Variants in GGTA1 observed in about 807,000 individuals in gnomAD.
GGTA1 encodes the protein glycoprotein alpha-galactosyltransferase 1 (inactive), also known as inactive N-acetyllactosaminide alpha-1,3-galactosyltransferase.
In GGTA1, 5 loss-of-function variants were observed where a neutral mutation model predicts 2.6. That is an observed-to-expected ratio of 1.92 (90% confidence interval 1.00 to 4.04). The LOEUF is 4.04. Among genes scored for constraint, GGTA1 ranks in the 30% most tolerant of loss-of-function variants. GGTA1 has a pLI of 0.00. For missense variants in GGTA1, 50 were observed against 16.7 expected (o/e 2.99, Z -3.47); for synonymous variants, 17 against 5.0 (o/e 3.38, Z -3.19).
At chr9:121,445,698 C>T (rs1231925328) in exon 8 of GGTA1, 1 of 152,130 alleles carries the variant, frequency 6.6e-6, no homozygotes, top group Admixed American at 6.5e-5. Flanking sequence ...GCTTCTGTTA[C>T]CAAATCAATT....
intron 1 of GGTA1, among the ~76,000 whole-genome samples, chr9:121,473,245 G>A (rs770620050): frequency 2.0e-5 from 3 of 150,498 alleles, no homozygotes; most frequent in East Asian, 1.9e-4. Flanking sequence ...ACTTGAACCC[G>A]GGAGGCAGAG....
exon 8 of GGTA1, chr9:121,445,340 G>A (rs2064847733): frequency 6.6e-6 from 1 of 152,110 alleles, no homozygotes; most frequent in African/African-American, 2.4e-5. Flanking sequence ...TTTTTGTTTT[G>A]TTTTGTTGGA....
intron 3 of GGTA1, among the ~76,000 whole-genome samples, chr9:121,462,405 C>T (rs540775450): frequency 5.9e-4 from 89 of 152,000 alleles, no homozygotes; most frequent in African/African-American, 1.2e-3. Flanking sequence ...GAGGAAAGTC[C>T]GATGGACAAA....
Position 121,455,696 on chromosome 9 carries a change from C to T in GGTA1, c.*141G>A. ...GCGCTGAGATGGGAGAAATGAGACC[C>T]AGTCCTTCCCCTTGAGAATCTCGCA... On this transcript the variant is annotated 3_prime_UTR_variant, in exon 6 of 6. Transcript: ENST00000481799. 1 of 343,772 alleles carries T rather than the reference C, an allele frequency of 2.9e-6. No homozygotes were observed. Among genetic ancestry groups the T allele is most frequent in the Non-Finnish European group, 5.8e-6 (1 of 171,976 alleles). 21.3% of individuals were successfully genotyped at this position (343,772 alleles called of 1,614,324 possible). A position where few individuals can be genotyped will look rare whatever the true frequency, so the allele number is the denominator to read the frequency against.
chr9:121,468,028 T>A (rs1307993797), intron 1 of GGTA1, 97 bp from the exon 2 acceptor site: 9 of 404,210 alleles, frequency 2.2e-5, no homozygotes, highest in East Asian at 7.1e-5. Flanking sequence ...CGTTCTTTTT[T>A]AAAATTACTA....
At chr9:121,474,992 C>T (rs1312723250) in intron 1 of GGTA1, among the ~76,000 whole-genome samples, 1 of 152,108 alleles carries the variant, frequency 6.6e-6, no homozygotes, top group Admixed American at 6.5e-5. Flanking sequence ...GTGTCAGAGC[C>T]GTTTGAACCA....
intron 1 of GGTA1, among the ~76,000 whole-genome samples, chr9:121,494,041 A>C (rs1018276101): frequency 3.9e-5 from 6 of 152,006 alleles, no homozygotes; most frequent in African/African-American, 1.4e-4. Context: ...ACAGTCGTGA[A>C]CCACCGCACC....
chr9:121,454,331 C>G (rs957199976), downstream of GGTA1, among the ~76,000 whole-genome samples: 8 of 152,200 alleles, frequency 5.3e-5, no homozygotes, highest in African/African-American at 1.4e-4. Flanking sequence ...GTCCATGGTC[C>G]AGGTAAGAAA....
At chr9:121,479,937 C>T (rs998884551) in intron 1 of GGTA1, among the ~76,000 whole-genome samples, 2 of 152,228 alleles carry the variant, frequency 1.3e-5, no homozygotes, top group Non-Finnish European at 2.9e-5. Flanking sequence ...GGCTCAACTC[C>T]GCTCTCTGGC....
intron 1 of GGTA1, among the ~76,000 whole-genome samples, chr9:121,474,179 G>A (rs917395962): frequency 6.6e-6 from 1 of 152,032 alleles, no homozygotes; most frequent in Non-Finnish European, 1.5e-5. Context: ...TCAGAGGACT[G>A]GGTGAACTTG....
Position 121,491,798 on chromosome 9 carries a change from T to A in GGTA1, c.-10+7852A>T, listed in dbSNP as rs111586108. On this transcript the variant is annotated intron_variant, in intron 1 of 5. Transcript: ENST00000481799. ...CTAATTTTTGTATTTTTAGTAGAGA[T>A]GGGGTTTCACCATGTTGGCCAGGGT... 5.8e-3 allele frequency among the ~76,000 whole-genome samples: 883 copies of A among 152,090 alleles called. 8 individuals carry two copies. Among genetic ancestry groups the A allele is most frequent in the African/African-American group, 0.02 (822 of 41,502 alleles).
intron 1 of GGTA1, among the ~76,000 whole-genome samples, chr9:121,499,127 TCTCTGA>T (rs1387262513): frequency 1.3e-5 from 2 of 151,936 alleles, no homozygotes; most frequent in Non-Finnish European, 2.9e-5. Context: ...TCTCCGAAGC[TCTCTGA>T]CATCTCCCTC....
At chr9:121,444,999 A>G (rs1259622107) in exon 8 of GGTA1, 2 of 152,242 alleles carry the variant, frequency 1.3e-5, no homozygotes, top group African/African-American at 2.4e-5. Flanking sequence ...ATACTGAGAA[A>G]GTAATTTATT....
At chr9:121,472,909 A>AT (rs200963890) in intron 1 of GGTA1, among the ~76,000 whole-genome samples, 2,447 of 152,026 alleles carry the variant, frequency 0.016, 61 homozygotes, top group African/African-American at 0.056. Flanking sequence ...GATGTTTATG[A>AT]TTTTTTTTTA....
chr9:121,472,748 C>A (rs1285960340), intron 1 of GGTA1, among the ~76,000 whole-genome samples: 1 of 152,144 alleles, frequency 6.6e-6, no homozygotes, highest in Non-Finnish European at 1.5e-5. Context: ...GTGTCCCAAG[C>A]CTTGCCAACC....
chr9:121,491,561 C>G (rs550267195), intron 1 of GGTA1, among the ~76,000 whole-genome samples: 1 of 152,114 alleles, frequency 6.6e-6, no homozygotes, highest in East Asian at 1.9e-4. Flanking sequence ...CTGTTATACA[C>G]GCTCTGCACT....
At chr9:121,496,432 G>A (rs1193451250) in intron 1 of GGTA1, among the ~76,000 whole-genome samples, 5 of 151,758 alleles carry the variant, frequency 3.3e-5, no homozygotes, top group South Asian at 4.2e-4. Flanking sequence ...AAATTCAATC[G>A]TAAAAAATAG....
Position 121,456,130 on chromosome 9 carries a change from A to G in GGTA1, c.299-289T>C, listed in dbSNP as rs189167384. ...TGACGGAGGGCAGCTCACACATGTG[A>G]AAAGCTAGTCTTTGATAATGTCAAC... On this transcript the variant is annotated intron_variant, in intron 5 of 5. Coordinates refer to ENST00000481799, the MANE Select transcript of GGTA1 (RefSeq NM_001382585.1). Among the ~76,000 whole-genome samples, 64 of 152,324 alleles carry G rather than the reference A, an allele frequency of 4.2e-4. 2 individuals carry two copies. The South Asian group carries it at 0.013, about 30-fold the overall frequency.
intron 1 of GGTA1, among the ~76,000 whole-genome samples, chr9:121,487,629 C>T (rs539530582): frequency 2.7e-5 from 4 of 150,830 alleles, no homozygotes; most frequent in African/African-American, 9.8e-5. Flanking sequence ...TCCTAAGAAC[C>T]AGCGCACTAG....
Sources: gnomAD v4.1 joint callset for allele counts (sites outside exome capture counted in the v4.1 genomes callset) on GRCh38, gnomAD v4.1.1 for gene constraint, MANE v1.5 for transcripts, NCBI Gene and HGNC (gene_info 2026-07-23, HGNC 2026-07-21) for gene names.